The following ACSM2A variants were observed in gnomAD, a reference collection of about 807,000 sequenced individuals.
The protein encoded by ACSM2A is acyl-coenzyme A synthetase ACSM2A, mitochondrial.
In ACSM2A, 72 loss-of-function variants were observed where a neutral mutation model predicts 76.6. That is an observed-to-expected ratio of 0.94 (90% CI 0.78 to 1.14). The LOEUF (loss-of-function observed/expected upper bound fraction) is 1.14, where lower values mean the gene tolerates loss of function less well. Ranked by LOEUF, ACSM2A falls within the 50% of genes most tolerant of loss-of-function variation. The pLI, the probability that ACSM2A is intolerant of heterozygous loss-of-function variation, is 0.00. For missense variants in ACSM2A, 684 were observed against 708.5 expected, an observed-to-expected ratio of 0.97 and a Z score of 0.39; for synonymous variants, 249 against 255.9, an observed-to-expected ratio of 0.97 and a Z score of 0.26.
intron 1 of ACSM2A, among the ~76,000 whole-genome samples, chr16:20,459,853 G>A (rs544054005): frequency 6.6e-5 from 10 of 152,246 alleles, no homozygotes; most frequent in African/African-American, 1.9e-4. Flanking sequence ...ACATGGAAAT[G>A]GGCGTTCACA....
chr16:20,451,856 A>T lies in ACSM2A; in HGVS notation c.-9+175A>T, dbSNP rs561004649. Among the ~76,000 whole-genome samples the T allele has an allele frequency of 4.1e-4, 57 of 140,010 alleles. 2 individuals carry two copies. The highest frequency in any genetic ancestry group is 1.5e-3 in the African/African-American group (56 of 38,162). The allele number at this position is 140,010 out of a possible 152,430, so 91.9% of individuals were successfully genotyped here. A position where few individuals can be genotyped will look rare whatever the true frequency, so the allele number is the denominator to read the frequency against. ...TTAGGAGGAAACACTGGGCAGAGGA[A>T]AAGGCACCTTTATGGCAGCAACAGG... On this transcript the variant is annotated intron_variant, in intron 1 of 13. Coordinates refer to ENST00000573854, the MANE Select transcript of ACSM2A (RefSeq NM_001308172.2).
intron 1 of ACSM2A, among the ~76,000 whole-genome samples, chr16:20,459,425 A>G (rs1192922652): frequency 6.6e-6 from 1 of 152,214 alleles, no homozygotes; most frequent in South Asian, 2.1e-4. Flanking sequence ...CATTTGCTAC[A>G]GTAACAAACA....
intron 11 of ACSM2A, 55 bp downstream of exon 11, chr16:20,480,755 T>A: frequency 6.2e-7 from 1 of 1,612,424 alleles, no homozygotes; most frequent in Non-Finnish European, 8.5e-7. Context: ...TCTGGCTGGT[T>A]CCAGACTTCT....
At chr16:20,471,014 A>G (rs1203506820) in intron 4 of ACSM2A, 59 bp from the exon 5 acceptor site, 2 of 1,604,806 alleles carry the variant, frequency 1.2e-6, no homozygotes, top group Non-Finnish European at 1.7e-6. Context: ...AAGATGGGTC[A>G]CTTTGATATC....
At chr16:20,467,799 G>C (rs2013104084) in intron 3 of ACSM2A, among the ~76,000 whole-genome samples, 1 of 152,122 alleles carries the variant, frequency 6.6e-6, no homozygotes, top group African/African-American at 2.4e-5. Flanking sequence ...TCTAAAATTT[G>C]ACATGGAGAC....
intron 1 of ACSM2A, among the ~76,000 whole-genome samples, chr16:20,458,630 T>C (rs1324063769): frequency 7.0e-6 from 1 of 143,006 alleles, no homozygotes; most frequent in Non-Finnish European, 1.5e-5. Flanking sequence ...TTTGCCACAC[T>C]CCTGTGCCTT....
chr16:20,486,037 G>A (rs2014367520), intron 13 of ACSM2A, among the ~76,000 whole-genome samples: 1 of 152,216 alleles, frequency 6.6e-6, no homozygotes, highest in African/African-American at 2.4e-5. Context: ...GATTGATGTG[G>A]AATTCAAAAT....
Position 20,486,711 on chromosome 16 carries a change from C to T in ACSM2A, c.*33C>T. The stretch of plus-strand genomic sequence containing the variant: ...AAGAGACATTCATTTGGATTCCCCT[C>T]TTCTTTCTCTTTCTTTTCCCTTTGG... On this transcript the variant is annotated 3_prime_UTR_variant, in exon 14 of 14. Coordinates refer to ENST00000573854, the MANE Select transcript of ACSM2A (RefSeq NM_001308172.2). The T allele has an allele frequency of 6.2e-7, 1 of 1,610,218 alleles. No homozygotes were observed. The highest frequency in any genetic ancestry group is 8.5e-7 in the Non-Finnish European group (1 of 1,176,704).
chr16:20,454,031 A>G (rs2011961988), intron 1 of ACSM2A: 1 of 118,100 alleles, frequency 8.5e-6, no homozygotes, highest in Admixed American at 8.0e-5. Flanking sequence ...TGTGATCTTT[A>G]CTGCCCTTTG....
rs564850095 is a variant in ACSM2A, at chr16:20,463,345, G to T, written c.178-2172G>T. ...GGCAGGAGCAAAGTGACATAGTTTG[G>T]ATATTTGTTTTCTCTAAATCTCATG... On this transcript the variant is annotated intron_variant, in intron 2 of 13. Transcript: ENST00000573854. 3.3e-5 allele frequency among the ~76,000 whole-genome samples: 5 copies of T among 151,498 alleles called. No individual in the cohort carries two copies. The East Asian group carries it at 9.7e-4, about 29-fold the overall frequency.
intron 1 of ACSM2A, among the ~76,000 whole-genome samples, chr16:20,459,516 GC>G (rs1470152094): frequency 6.6e-6 from 1 of 152,168 alleles, no homozygotes; most frequent in African/African-American, 2.4e-5. Context: ...GCTAGGCTCA[GC>G]TCAACTCCAC....
chr16:20,465,725 C>T lies in ACSM2A; in HGVS notation c.386C>T (p.Ala129Val), dbSNP rs1410680053. The T allele has an allele frequency of 6.2e-7, 1 of 1,613,560 alleles. No individual in the cohort carries two copies. Among genetic ancestry groups the T allele is most frequent in the Non-Finnish European group, 8.5e-7 (1 of 1,179,686 alleles). The stretch of plus-strand genomic sequence containing the variant: ...CTGGTGATCCTGGGCTGCATTCGAG[C>T]AGGTTGGTAACTGACTACCTGGACA... ...WWLVILGCIR[A>V]GLIFMPGTIQ... The change falls in exon 3 of 14, where the codon GCA becomes GTA. Residue 129 changes from alanine to valine, a missense_variant and splice_region_variant. This residue lies in a region of ACSM2A where 519 missense variants were observed against 549.5 expected (regional missense o/e 0.94). Coordinates refer to ENST00000573854, the MANE Select transcript of ACSM2A (RefSeq NM_001308172.2).
At chr16:20,478,928 T>C (rs958401498) in intron 10 of ACSM2A, among the ~76,000 whole-genome samples, 16 of 152,142 alleles carry the variant, frequency 1.1e-4, no homozygotes, top group African/African-American at 3.9e-4. Flanking sequence ...CCTCAAGAAC[T>C]CTCTGTTTCA....
At chr16:20,472,032 T>C (rs2013446015) in intron 6 of ACSM2A, among the ~76,000 whole-genome samples, 1 of 152,176 alleles carries the variant, frequency 6.6e-6, no homozygotes, top group African/African-American at 2.4e-5. Flanking sequence ...TTGGAGGGGA[T>C]GCCATCTCGC....
chr16:20,485,967 G>C (rs902063695), intron 13 of ACSM2A, among the ~76,000 whole-genome samples: 10 of 152,290 alleles, frequency 6.6e-5, no homozygotes, highest in Non-Finnish European at 1.2e-4. Context: ...CTTTTAACAA[G>C]ATCAAATAGT....
At chr16:20,484,810 A>T (rs2014300075) in intron 13 of ACSM2A, among the ~76,000 whole-genome samples, 1 of 152,236 alleles carries the variant, frequency 6.6e-6, no homozygotes, top group East Asian at 1.9e-4. Flanking sequence ...CCTGGGAAGG[A>T]GTGTGACCTT....
intron 13 of ACSM2A, among the ~76,000 whole-genome samples, chr16:20,485,982 T>C (rs996402330): frequency 6.6e-6 from 1 of 152,186 alleles, no homozygotes; most frequent in Admixed American, 6.5e-5. Context: ...AATAGTGAAA[T>C]TGGAGAGATT....
Position 20,469,672 on chromosome 16 carries a change from G to T in ACSM2A, c.549G>T (p.Val183=), listed in dbSNP as rs780778207. 3.5e-5 allele frequency: 56 copies of T among 1,613,736 alleles called. No individual in the cohort carries two copies. Among genetic ancestry groups the T allele is most frequent in the Non-Finnish European group, 4.7e-5 (55 of 1,179,830 alleles). ...CTTCTCTGAGAATTAAGCTACTGGT[G>T]TCTGAGAAAAGCTGTGATGGGTGGC... ...ECPSLRIKLL[V]SEKSCDGWLN... is the part of the protein sequence containing the mutation. Residue 183 remains valine (V), a synonymous_variant, in exon 4 of 14, where the codon GTG becomes GTT. Transcript: ENST00000573854.
At chr16:20,467,283 G>T (rs1034572647) in intron 3 of ACSM2A, among the ~76,000 whole-genome samples, 1 of 152,072 alleles carries the variant, frequency 6.6e-6, no homozygotes, top group African/African-American at 2.4e-5. Flanking sequence ...GTGGTCCTTG[G>T]TAAGAGTTGT....
Sources: gnomAD v4.1 joint callset for allele counts (sites outside exome capture counted in the v4.1 genomes callset) on GRCh38, gnomAD v4.1.1 for gene constraint, gnomAD v4.1.1 regional missense constraint, MANE v1.5 for transcripts, NCBI Gene and HGNC (gene_info 2026-07-23, HGNC 2026-07-21) for gene names.